ZNF512: variants seen among roughly 807,000 people sequenced by gnomAD.
The protein encoded by ZNF512 is zinc finger protein 512.
A neutral mutation model predicts 77.5 loss-of-function variants in ZNF512; 25 were observed. The ratio of observed to expected loss-of-function variants is 0.32; its 90% CI spans 0.23 to 0.45. ZNF512 has a LOEUF of 0.45. ZNF512 is among the 20% of genes least tolerant of loss of function. The pLI is 1.00. For missense variants in ZNF512, 483 were observed against 692.6 expected (o/e 0.70, Z 3.40); for synonymous variants, 246 against 239.9 (o/e 1.03, Z -0.24).
chr2:27,594,912 C>T (rs898984438), intron 2 of ZNF512, among the ~76,000 whole-genome samples: 8 of 152,308 alleles, frequency 5.3e-5, no homozygotes, highest in Admixed American at 1.3e-4. Context: ...GCAGATCACT[C>T]GAGGTCAGGA....
chr2:27,610,460 T>TTGTATATGTGTATATA (rs1672567239), intron 10 of ZNF512, among the ~76,000 whole-genome samples: 1 of 138,010 alleles, frequency 7.2e-6, no homozygotes, highest in African/African-American at 2.8e-5. Context: ...ATCAAATAGG[T>TTGTATATGTGTATATA]TATATATGTG....
At chr2:27,618,650 T>TAACA (rs1672998835) in intron 13 of ZNF512, among the ~76,000 whole-genome samples, 1 of 152,186 alleles carries the variant, frequency 6.6e-6, no homozygotes, top group African/African-American at 2.4e-5. Flanking sequence ...GTGGTAAATT[T>TAACA]GATTGTTCAT....
chr2:27,601,964 A>G lies in ZNF512; in HGVS notation c.670-499A>G, dbSNP rs559638103. 7.5e-4 allele frequency among the ~76,000 whole-genome samples: 113 copies of G among 151,140 alleles called. 4 individuals carry two copies. The South Asian group carries it at 0.018, about 24-fold the overall frequency. On this transcript the variant is annotated intron_variant, in intron 7 of 13. Coordinates refer to ENST00000355467, the MANE Select transcript of ZNF512 (RefSeq NM_032434.4). ...GCGCCCAGAAATTTTTTGTATTTTTAGTAGAGACTGAGTTTCACCATGTTG... is the reference window on the plus strand; with the variant it reads ...GCGCCCAGAAATTTTTTGTATTTTTGGTAGAGACTGAGTTTCACCATGTTG...
rs929451560 is a variant in ZNF512, at chr2:27,619,225, C to G, written c.1395+1654C>G. Among the ~76,000 whole-genome samples, 3 of 152,172 alleles carry G rather than the reference C, an allele frequency of 2.0e-5. No individual in the cohort carries two copies. In the East Asian group the frequency reaches 5.8e-4, roughly 29 times the overall value. ...AGGAGTTCAAGACCAGCCTGGCCAT[C>G]ATGGTGAAACCCCATCTCTACTAAA... On this transcript the variant is annotated intron_variant, in intron 13 of 13. Transcript: ENST00000355467.
At chr2:27,613,524 A>G (rs1672754298) in intron 10 of ZNF512, among the ~76,000 whole-genome samples, 1 of 151,948 alleles carries the variant, frequency 6.6e-6, no homozygotes, top group African/African-American at 2.4e-5. Flanking sequence ...ATATATATAT[A>G]CAGTTGTCCC....
chr2:27,603,586 G>GTGTGTGTGTGTGTGTGTGTGTGTATA (rs140043162), intron 9 of ZNF512, among the ~76,000 whole-genome samples: 1,142 of 72,440 alleles, frequency 0.016, 30 homozygotes, highest in African/African-American at 0.064. Flanking sequence ...GTGTGTGTGT[G>GTGTGTGTGTGTGTGTGTGTGTGTATA]TATATTTTTT....
At chr2:27,617,151 G>A in intron 12 of ZNF512, 1 of 216,936 alleles carries the variant, frequency 4.6e-6, no homozygotes, top group East Asian at 1.1e-4. Context: ...TTTGGGGGAG[G>A]AACCAAGACA....
rs1558465758 is a variant in ZNF512, at chr2:27,593,242, AC to A, written c.90-4824del. On this transcript the variant is annotated intron_variant, in intron 2 of 13. Coordinates refer to ENST00000355467, the MANE Select transcript of ZNF512 (RefSeq NM_032434.4). ...CACACACACACACACACACACACAC[AC>A]ACAAAAGAATGAGCTGGGTACCGTG... 5.0e-4 allele frequency among the ~76,000 whole-genome samples: 73 copies of A among 145,522 alleles called. No homozygotes were observed. The Middle Eastern group carries it at 0.01, about 21-fold the overall frequency.
chr2:27,617,644 G>C lies in ZNF512; in HGVS notation c.1395+73G>C, dbSNP rs191582349. 9 of 732,084 alleles carry C rather than the reference G, an allele frequency of 1.2e-5. No homozygotes were observed. The Admixed American group carries it at 1.8e-4, about 15-fold the overall frequency. The allele number at this position is 732,084 out of a possible 1,614,324, so 45.3% of individuals were successfully genotyped here. On this transcript the variant is annotated intron_variant, in intron 13 of 13. Transcript: ENST00000355467. ...GGTAGACTTTGTCCCTATTGTTATGGACTAAGGCTGTCAAGGAAAGTATCT... is the reference window on the plus strand; with the variant it reads ...GGTAGACTTTGTCCCTATTGTTATGCACTAAGGCTGTCAAGGAAAGTATCT...
intron 9 of ZNF512, 104 bp from the exon 10 acceptor site, chr2:27,607,741 A>T: frequency 9.3e-7 from 1 of 1,075,038 alleles, no homozygotes; most frequent in Non-Finnish European, 1.4e-6. Context: ...GCAATCTACT[A>T]CATAGCTCTT....
chr2:27,583,408 T>C, intron 1 of ZNF512: 1 of 1,438,140 alleles, frequency 7.0e-7, no homozygotes, highest in East Asian at 2.5e-5. Context: ...TTGTCTTTTC[T>C]TTTGGCCTCC....
At position 27,598,243 on chromosome 2, in the gene ZNF512, C is replaced by G. The variant is rs140091852; in HGVS notation, c.266C>G (p.Ser89Cys). 6.2e-7 allele frequency: 1 copy of G among 1,612,490 alleles called. No individual in the cohort carries two copies. Among genetic ancestry groups the G allele is most frequent in the African/African-American group, 1.3e-5 (1 of 75,034 alleles). The change falls in exon 3 of 14, where the codon TCT (serine) becomes TGT (cysteine). Residue 89 changes from serine to cysteine, a missense_variant. Coordinates refer to ENST00000355467, the MANE Select transcript of ZNF512 (RefSeq NM_032434.4). ...KMRRIKPAAT[S>C]HVEGSGGVSA... is the part of the protein sequence containing the mutation. ...AGAAGAATCAAGCCAGCTGCTACTT[C>G]TCATGTCGAAGGTATCAATATCAGT...
intron 13 of ZNF512, among the ~76,000 whole-genome samples, chr2:27,618,445 A>G (rs114332297): frequency 0.011 from 1,630 of 152,338 alleles, 16 homozygotes; most frequent in Non-Finnish European, 0.015. Context: ...ACTGTATTAA[A>G]TAATAGTATT....
intron 9 of ZNF512, 38 bp from the exon 10 acceptor site, chr2:27,607,807 T>G (rs1672438190): frequency 1.2e-6 from 2 of 1,605,614 alleles, no homozygotes; most frequent in African/African-American, 2.7e-5. Flanking sequence ...TGGATGCCAC[T>G]TATCAGGCCT....
At chr2:27,597,981 T>C in intron 2 of ZNF512, 86 bp from the exon 3 acceptor site, 1 of 1,156,408 alleles carries the variant, frequency 8.6e-7, no homozygotes, top group Non-Finnish European at 1.2e-6. Context: ...TCTGCAGAGG[T>C]AACCAACTTG....
At chr2:27,584,555 T>C (rs561307686) in intron 2 of ZNF512, among the ~76,000 whole-genome samples, 1 of 152,318 alleles carries the variant, frequency 6.6e-6, no homozygotes, top group African/African-American at 2.4e-5. Context: ...GGCAAGTAGG[T>C]CAACACAGTT....
intron 5 of ZNF512, 131 bp downstream of exon 5, chr2:27,600,184 G>C: frequency 9.9e-7 from 1 of 1,007,306 alleles, no homozygotes. Context: ...CTAGTTTGGA[G>C]TCAGACAGAC....
chr2:27,598,381 G>T, intron 3 of ZNF512, 127 bp downstream of exon 3: 1 of 955,064 alleles, frequency 1.0e-6, no homozygotes. Flanking sequence ...TGTAATCCCA[G>T]CACTTTGGGA....
intron 13 of ZNF512, among the ~76,000 whole-genome samples, chr2:27,619,875 C>G (rs1363262633): frequency 6.6e-6 from 1 of 152,022 alleles, no homozygotes; most frequent in Non-Finnish European, 1.5e-5. Context: ...AACATATGAC[C>G]ACAAACATCA....
Sources: gnomAD v4.1 joint callset for allele counts (sites outside exome capture counted in the v4.1 genomes callset) on GRCh38, gnomAD v4.1.1 for gene constraint, MANE v1.5 for transcripts, NCBI Gene and HGNC (gene_info 2026-07-23, HGNC 2026-07-21) for gene names.